Variants in USP43 observed in about 807,000 individuals in gnomAD.
USP43 encodes the protein ubiquitin specific peptidase 43, also known as ubiquitin carboxyl-terminal hydrolase 43.
In USP43, 33 loss-of-function variants were observed where a neutral mutation model predicts 90.7. The ratio of observed to expected loss-of-function variants is 0.36; its 90% confidence interval spans 0.28 to 0.49. The LOEUF (loss-of-function observed/expected upper bound fraction) is 0.49. Ranked by LOEUF, USP43 falls within the 20% of genes least tolerant of loss-of-function variation. The pLI is 0.98. For missense variants in USP43, 1,274 were observed against 1,476.4 expected, an observed-to-expected ratio of 0.86 and a Z score of 2.25; for synonymous variants, 598 against 615.8, an observed-to-expected ratio of 0.97 and a Z score of 0.43.
intron 1 of USP43, among the ~76,000 whole-genome samples, chr17:9,654,978 T>C (rs1173515503): frequency 6.7e-6 from 1 of 149,640 alleles, no homozygotes; most frequent in African/African-American, 2.5e-5. Context: ...CTTAAAGTGA[T>C]CCATCCGCCT....
At chr17:9,711,580 C>T (rs1021465935) in intron 13 of USP43, among the ~76,000 whole-genome samples, 3 of 152,122 alleles carry the variant, frequency 2.0e-5, no homozygotes, top group African/African-American at 7.2e-5. Flanking sequence ...CAGGCGCCCA[C>T]CACCACGCCC....
At chr17:9,662,862 G>A (rs2151966439) in intron 2 of USP43, among the ~76,000 whole-genome samples, 1 of 148,744 alleles carries the variant, frequency 6.7e-6, no homozygotes, top group South Asian at 2.1e-4. Context: ...CTGTTGCCCA[G>A]GCTGGAGTGC....
rs1407646678 is a variant in USP43, at chr17:9,674,284, C to G, written c.741-607C>G. ...CTTTTAAAAAAACGGAGGTGAAAGT[C>G]CTGTAACATAAAGTTAAGCATTCTA... is the stretch of plus-strand genomic sequence containing the variant. On this transcript the variant is annotated intron_variant, in intron 3 of 14. Transcript: ENST00000285199. This position sits in a 1 kb window ranked among gnomAD's most constrained non-coding sequence, Gnocchi z 4.4. Among the ~76,000 whole-genome samples the G allele has an allele frequency of 1.3e-5, 2 of 152,120 alleles. No homozygotes were observed. Among genetic ancestry groups the G allele is most frequent in the African/African-American group, 2.4e-5 (1 of 41,406 alleles).
chr17:9,725,422 C>G (rs1244084556), intron 14 of USP43, among the ~76,000 whole-genome samples: 3 of 152,038 alleles, frequency 2.0e-5, no homozygotes, highest in African/African-American at 7.2e-5. Flanking sequence ...CCCATCTCCC[C>G]GGGGGAGGGG....
chr17:9,709,868 A>T lies in USP43; in HGVS notation c.2012-88A>T. ...GTTTTTTTCTCATTCTGGTTTAAAC[A>T]TACCGCTTTTTCAGCTATGCCAGTG... On this transcript the variant is annotated intron_variant, in intron 12 of 14. Transcript: ENST00000285199. The surrounding 1 kb of genome is among the most constrained non-coding windows in gnomAD (Gnocchi z 5.0). 7.6e-7 allele frequency: 1 copy of T among 1,311,418 alleles called. No homozygotes were observed. Among genetic ancestry groups the T allele is most frequent in the Non-Finnish European group, 9.8e-7 (1 of 1,016,556 alleles). The allele number at this position is 1,311,418 out of a possible 1,614,324, so 81.2% of individuals were successfully genotyped here.
intron 1 of USP43, among the ~76,000 whole-genome samples, chr17:9,654,732 C>G (rs1233747504): frequency 6.6e-6 from 1 of 151,298 alleles, no homozygotes; most frequent in Non-Finnish European, 1.5e-5. Flanking sequence ...CTAAAATCTC[C>G]TTTATTTTTA....
chr17:9,696,986 G>A (rs372287041), intron 9 of USP43, among the ~76,000 whole-genome samples: 2 of 152,240 alleles, frequency 1.3e-5, no homozygotes, highest in South Asian at 4.1e-4. Flanking sequence ...GGAGGCCAAG[G>A]CGGGTGGATC....
intron 1 of USP43, among the ~76,000 whole-genome samples, chr17:9,652,212 CAAAAAAAAA>C (rs769295315): frequency 2.3e-5 from 1 of 42,744 alleles, no homozygotes; most frequent in Non-Finnish European, 4.8e-5. Flanking sequence ...GCCCTTAGCG[CAAAAAAAAA>C]AAAAAAAAGA....
In USP43 at chr17:9,656,385, T is replaced by G. The variant is rs1912246552; in HGVS notation, c.505-18T>G. On this transcript the variant is annotated intron_variant, in intron 1 of 14. Coordinates refer to ENST00000285199, the MANE Select transcript of USP43 (RefSeq NM_153210.5). ...TAAGGGGCCAAATTCACCTCTCGAT[T>G]TCCTTTTTTCCTTTCAGAATGCAGT... The G allele has an allele frequency of 6.2e-7, 1 of 1,608,208 alleles. No individual in the cohort carries two copies. The highest frequency in any genetic ancestry group is 8.5e-7 in the Non-Finnish European group (1 of 1,177,352).
chr17:9,648,958 T>C (rs1377191482), intron 1 of USP43, among the ~76,000 whole-genome samples: 2 of 150,486 alleles, frequency 1.3e-5, no homozygotes, highest in African/African-American at 2.4e-5. Context: ...TCTCTCTCTC[T>C]CCCTCCCTCC....
In USP43 at chr17:9,656,428, A is replaced by G. The variant is rs1191115931; in HGVS notation, c.530A>G (p.Gln177Arg). Reference sequence around the variant, plus strand: ...AATGCAGTTTCCAAGTACGGCTCTCAGTTCCAAGGCAATTCCCAGCACGAC... The same window carrying G: ...AATGCAGTTTCCAAGTACGGCTCTCGGTTCCAAGGCAATTCCCAGCACGAC... Reference protein sequence around the residue: ...FKNAVSKYGSQFQGNSQHDAL... With the variant: ...FKNAVSKYGSRFQGNSQHDAL... Residue 177 changes from glutamine (Q) to arginine (R), a missense_variant, in exon 2 of 15, where the codon CAG (glutamine) becomes CGG (arginine). Coordinates refer to ENST00000285199, the MANE Select transcript of USP43 (RefSeq NM_153210.5). The G allele has an allele frequency of 6.2e-7, 1 of 1,611,148 alleles. No individual in the cohort carries two copies. Among genetic ancestry groups the G allele is most frequent in the Admixed American group, 1.7e-5 (1 of 59,600 alleles).
At chr17:9,717,834 G>A (rs1281445605) in intron 14 of USP43, among the ~76,000 whole-genome samples, 1 of 144,582 alleles carries the variant, frequency 6.9e-6, no homozygotes, top group Non-Finnish European at 1.5e-5. Context: ...GTCTTGTTCT[G>A]TTGCCAGGCT....
chr17:9,676,574 G>A (rs1913793505), intron 4 of USP43, among the ~76,000 whole-genome samples, 172 bp from the exon 5 acceptor site: 1 of 152,170 alleles, frequency 6.6e-6, no homozygotes, highest in Non-Finnish European at 1.5e-5. Flanking sequence ...GTTTCACCAT[G>A]CTGGCCAGGC....
chr17:9,718,287 C>T (rs116156743), intron 14 of USP43, among the ~76,000 whole-genome samples: 1,546 of 152,148 alleles, frequency 0.01, 24 homozygotes, highest in African/African-American at 0.035. Context: ...AGAGCCTATC[C>T]GTGATGCTGC....
In USP43 at chr17:9,728,261, G is replaced by C. The variant is rs763162633; in HGVS notation, c.2643G>C (p.Arg881=). The part of the protein sequence containing the change: ...ALPANSEDGG[R]AIERGPAGVP... ...CTGCTAACAGCGAAGATGGTGGGCG[G>C]GCCATTGAAAGAGGTCCAGCCGGGG... Residue 881 remains arginine, a synonymous_variant, in exon 15 of 15, where the codon CGG becomes CGC. Coordinates refer to ENST00000285199, the MANE Select transcript of USP43 (RefSeq NM_153210.5). This position sits in a 1 kb window ranked among gnomAD's most constrained non-coding sequence, Gnocchi z 6.2. The C allele has an allele frequency of 5.0e-6, 8 of 1,613,546 alleles. No homozygotes were observed. In the East Asian group the frequency reaches 1.8e-4, roughly 36 times the overall value.
chr17:9,676,781 G>A lies in USP43; in HGVS notation c.869G>A (p.Ser290Asn), dbSNP rs775740636. 6.2e-7 allele frequency: 1 copy of A among 1,613,912 alleles called. No homozygotes were observed. Among genetic ancestry groups the A allele is most frequent in the South Asian group, 1.1e-5 (1 of 91,054 alleles). Residue 290 changes from serine (S) to asparagine (N), a missense_variant, in exon 5 of 15, where the codon AGC becomes AAC. Around this residue, in one of 6 missense-constraint regions of USP43, gnomAD observed 259 missense variants for 373.7 expected, o/e 0.69. Transcript: ENST00000285199. ...GTCACCTTGGTCTTCCCCTCTAAGAGCCAGCGGTTCCTGCGGGTTGGCCTG... is the reference window on the plus strand; with the variant it reads ...GTCACCTTGGTCTTCCCCTCTAAGAACCAGCGGTTCCTGCGGGTTGGCCTG... ...LSVTLVFPSK[S>N]QRFLRVGLAV...
At position 9,682,835 on chromosome 17, in the gene USP43, G is replaced by T. The variant is rs755100227; in HGVS notation, c.1118G>T (p.Gly373Val). 1.1e-5 allele frequency: 17 copies of T among 1,613,822 alleles called. No homozygotes were observed. The highest frequency in any genetic ancestry group is 1.3e-5 in the African/African-American group (1 of 74,916). The change falls in exon 7 of 15, where the codon GGT (glycine) becomes GTT (valine). Residue 373 changes from glycine (G) to valine (V), a missense_variant. Physicochemically the swap from Gly to Val is moderately radical, Grantham distance 109. Around this residue, in one of 6 missense-constraint regions of USP43, gnomAD observed 253 missense variants for 276.0 expected, o/e 0.92. Transcript: ENST00000285199. ...CTCTCCCTTCTAGCTCATCCACTGG[G>T]TCTGTCGGCCTCCCCACGCCTGGCA... Reference protein sequence around the residue: ...SQGTLSAHPLGLSASPRLAAR... With the variant: ...SQGTLSAHPLVLSASPRLAAR...
intron 1 of USP43, among the ~76,000 whole-genome samples, chr17:9,654,664 AAAG>A (rs1912110671): frequency 6.6e-6 from 1 of 150,836 alleles, no homozygotes; most frequent in African/African-American, 2.5e-5. Flanking sequence ...AAAAAAAAAA[AAAG>A]ACTCAGAACC....
intron 2 of USP43, among the ~76,000 whole-genome samples, chr17:9,659,532 G>A (rs1293771209): frequency 6.6e-6 from 1 of 152,138 alleles, no homozygotes; most frequent in Non-Finnish European, 1.5e-5. Flanking sequence ...AGGAGACTTA[G>A]AAATAGGTGG....
Sources: gnomAD v4.1 joint callset for allele counts (sites outside exome capture counted in the v4.1 genomes callset) on GRCh38, gnomAD v4.1.1 for gene constraint, gnomAD v4.1.1 regional missense constraint, Gnocchi (gnomAD v3.1) non-coding constraint, MANE v1.5 for transcripts, NCBI Gene and HGNC (gene_info 2026-07-23, HGNC 2026-07-21) for gene names.